Variants in OPCML observed in about 807,000 individuals in gnomAD.
OPCML encodes opioid-binding protein/cell adhesion molecule.
A neutral mutation model predicts 37.8 loss-of-function variants in OPCML; 13 were observed. The ratio of observed to expected loss-of-function variants is 0.34; its 90% CI spans 0.22 to 0.55. The LOEUF is 0.55. OPCML is among the 20% of genes least tolerant of loss of function. The pLI is 0.91. For missense variants in OPCML, 341 were observed against 435.6 expected, an observed-to-expected ratio of 0.78 and a Z score of 1.93; for synonymous variants, 176 against 168.8, an observed-to-expected ratio of 1.04 and a Z score of -0.33.
At chr11:133,264,438 C>A (rs1364642648) in intron 1 of OPCML, among the ~76,000 whole-genome samples, 1 of 152,196 alleles carries the variant, frequency 6.6e-6, no homozygotes, top group Non-Finnish European at 1.5e-5. Context: ...TGCTGTCTTA[C>A]AAGTGAGGCT....
intron 2 of OPCML, among the ~76,000 whole-genome samples, chr11:132,747,617 T>G (rs1945677332): frequency 6.6e-6 from 1 of 152,182 alleles, no homozygotes; most frequent in Non-Finnish European, 1.5e-5. Flanking sequence ...AGCCTCTTCC[T>G]CAGTCCTCAG....
chr11:133,526,701 TC>T (rs1249085926), intron 1 of OPCML, among the ~76,000 whole-genome samples: 5 of 152,196 alleles, frequency 3.3e-5, no homozygotes, highest in African/African-American at 1.2e-4. Flanking sequence ...GTTAGAACCA[TC>T]CCCACCCCTC....
At chr11:133,408,450 A>G (rs1388757955) in intron 1 of OPCML, among the ~76,000 whole-genome samples, 1 of 152,212 alleles carries the variant, frequency 6.6e-6, no homozygotes, top group African/African-American at 2.4e-5. Flanking sequence ...GTTTATTGTC[A>G]TGCATTTGGA....
intron 2 of OPCML, among the ~76,000 whole-genome samples, chr11:132,846,375 TGG>T (rs1329841935): frequency 2.0e-4 from 31 of 152,328 alleles, no homozygotes; most frequent in African/African-American, 7.5e-4. Flanking sequence ...TCAACTACAT[TGG>T]AGTTGGCAGA....
chr11:133,340,780 G>A (rs1409692742), intron 1 of OPCML, among the ~76,000 whole-genome samples: 1 of 152,032 alleles, frequency 6.6e-6, no homozygotes, highest in Non-Finnish European at 1.5e-5. Flanking sequence ...TTAAGTGTAT[G>A]TATAAGAAAA....
At chr11:132,836,486 C>T (rs1417169198) in intron 2 of OPCML, among the ~76,000 whole-genome samples, 2 of 152,078 alleles carry the variant, frequency 1.3e-5, no homozygotes, top group East Asian at 3.9e-4. Context: ...ATTTTAATGG[C>T]AATAATTAAA....
At chr11:132,936,077 G>T (rs1945360350) in intron 2 of OPCML, among the ~76,000 whole-genome samples, 1 of 152,186 alleles carries the variant, frequency 6.6e-6, no homozygotes, top group African/African-American at 2.4e-5. Context: ...GCCTCAGAAG[G>T]TAGTAATAGA....
intron 3 of OPCML, among the ~76,000 whole-genome samples, chr11:132,583,369 G>T (rs60838184): frequency 8.5e-5 from 13 of 152,076 alleles, no homozygotes; most frequent in Non-Finnish European, 1.8e-4. Flanking sequence ...TGTGATCATG[G>T]CTTATTGTAG....
chr11:133,080,871 G>A (rs1157437878), intron 1 of OPCML, among the ~76,000 whole-genome samples: 1 of 152,008 alleles, frequency 6.6e-6, no homozygotes, highest in Non-Finnish European at 1.5e-5. Flanking sequence ...AGCCTGTTCT[G>A]GAGGCTGAGA....
At chr11:133,213,998 T>G (rs1041566745) in intron 1 of OPCML, among the ~76,000 whole-genome samples, 1 of 152,212 alleles carries the variant, frequency 6.6e-6, no homozygotes, top group Non-Finnish European at 1.5e-5. Context: ...TGAAAATGGT[T>G]AAATGTTTGT....
intron 1 of OPCML, among the ~76,000 whole-genome samples, chr11:133,525,833 G>A (rs1341618208): frequency 6.6e-6 from 1 of 152,170 alleles, no homozygotes; most frequent in Non-Finnish European, 1.5e-5. Flanking sequence ...CGTTTCCCAT[G>A]CTAAGTGCAA....
At chr11:133,468,672 G>C (rs1363030725) in intron 1 of OPCML, among the ~76,000 whole-genome samples, 1 of 152,210 alleles carries the variant, frequency 6.6e-6, no homozygotes, top group African/African-American at 2.4e-5. Context: ...TTGGCCCCAA[G>C]GGACAATAGG....
At chr11:133,156,641 T>C (rs912537998) in intron 1 of OPCML, among the ~76,000 whole-genome samples, 5 of 152,184 alleles carry the variant, frequency 3.3e-5, no homozygotes, top group Admixed American at 2.0e-4. Flanking sequence ...AAAATAAAAG[T>C]AATATGTAAC....
intron 2 of OPCML, among the ~76,000 whole-genome samples, chr11:132,908,991 G>A (rs992242793): frequency 7.2e-5 from 11 of 152,182 alleles, no homozygotes; most frequent in South Asian, 2.1e-4. Context: ...CCGGAAGAGC[G>A]TCGCTCAGGG....
intron 1 of OPCML, among the ~76,000 whole-genome samples, chr11:133,380,437 C>T (rs972403651): frequency 2.6e-5 from 4 of 151,786 alleles, no homozygotes; most frequent in African/African-American, 7.2e-5. Flanking sequence ...CCATTAAGTA[C>T]GGTACTTTGA....
intron 3 of OPCML, among the ~76,000 whole-genome samples, chr11:132,654,934 C>G (rs1329285096): frequency 6.6e-6 from 1 of 151,012 alleles, no homozygotes; most frequent in Non-Finnish European, 1.5e-5. Flanking sequence ...GACTGAGGAG[C>G]TGACCTCTGA....
chr11:133,383,130 C>G (rs2136785937), intron 1 of OPCML, among the ~76,000 whole-genome samples: 1 of 152,264 alleles, frequency 6.6e-6, no homozygotes, highest in South Asian at 2.1e-4. Flanking sequence ...ACCCCTCCCT[C>G]CCTTTCCTGC....
intron 1 of OPCML, among the ~76,000 whole-genome samples, chr11:133,440,714 G>A (rs1341287019): frequency 2.3e-5 from 3 of 129,290 alleles, no homozygotes; most frequent in Admixed American, 8.2e-5. Flanking sequence ...CAACAAGAAC[G>A]AAACTCCCTC....
chr11:132,807,022 C>A (rs552239173), intron 2 of OPCML, among the ~76,000 whole-genome samples: 1 of 152,056 alleles, frequency 6.6e-6, no homozygotes. Flanking sequence ...ATGCCCCTAA[C>A]GGAATGCTCG....
Sources: gnomAD v4.1 joint callset for allele counts (sites outside exome capture counted in the v4.1 genomes callset) on GRCh38, gnomAD v4.1.1 for gene constraint, MANE v1.5 for transcripts, NCBI Gene and HGNC (gene_info 2026-07-23, HGNC 2026-07-21) for gene names.